DPP10: variants seen among roughly 807,000 people sequenced by gnomAD.
DPP10 encodes the protein dipeptidyl peptidase like 10.
A neutral mutation model predicts 120.9 loss-of-function variants in DPP10; 33 were observed. The ratio of observed to expected loss-of-function variants is 0.27; its 90% CI spans 0.21 to 0.37. DPP10 has a LOEUF of 0.37. DPP10 is among the 10% of genes least tolerant of loss of function. DPP10 has a pLI of 1.00. For synonymous variants in DPP10, 337 were observed against 326.1 expected, an observed-to-expected ratio of 1.03 and a Z score of -0.36; for missense variants, 816 against 942.8, an observed-to-expected ratio of 0.87 and a Z score of 1.76.
intron 1 of DPP10, among the ~76,000 whole-genome samples, chr2:114,654,520 A>C (rs1696830598): frequency 6.6e-6 from 1 of 152,198 alleles, no homozygotes; most frequent in South Asian, 2.1e-4. Flanking sequence ...GCAATCCCCA[A>C]GTGTTCTAGC....
chr2:114,720,092 T>C (rs573557385), intron 1 of DPP10, among the ~76,000 whole-genome samples: 35 of 152,280 alleles, frequency 2.3e-4, no homozygotes, highest in Non-Finnish European at 4.0e-4. Flanking sequence ...AGGTTCAGAC[T>C]TTACACAGAT....
chr2:115,145,163 TAAAA>T (rs2051154568), intron 1 of DPP10: 2 of 151,854 alleles, frequency 1.3e-5, no homozygotes, highest in Non-Finnish European at 2.9e-5. Flanking sequence ...AAAGAAGAAA[TAAAA>T]GAAAGGCAAG....
intron 1 of DPP10, among the ~76,000 whole-genome samples, chr2:114,596,285 A>ACAGCTT (rs985330576): frequency 6.6e-6 from 1 of 150,512 alleles, no homozygotes; most frequent in Non-Finnish European, 1.5e-5. Context: ...CCTCCCTCCT[A>ACAGCTT]CAAGCTGTTC....
At chr2:115,803,015 A>G (rs1685454203) in intron 19 of DPP10, among the ~76,000 whole-genome samples, 1 of 152,060 alleles carries the variant, frequency 6.6e-6, no homozygotes, top group African/African-American at 2.4e-5. Flanking sequence ...TGATCTGTCT[A>G]ATGTTGATAG....
At chr2:114,455,876 G>A (rs906545081) in intron 1 of DPP10, among the ~76,000 whole-genome samples, 2 of 151,974 alleles carry the variant, frequency 1.3e-5, no homozygotes, top group African/African-American at 2.4e-5. Context: ...AAAATTTTAA[G>A]GGCTTAATTT....
In DPP10 at chr2:115,762,739, C is replaced by T. The variant is rs536055890; in HGVS notation, c.1113+129C>T. ...TAGGTTTGACAGAGTGATCCTTTTT[C>T]ATTAAAAGGATCACTTATGACTTGG... On this transcript the variant is annotated intron_variant, in intron 12 of 25. Transcript: ENST00000410059. 8.2e-3 allele frequency: 8,494 copies of T among 1,036,700 alleles called. 71 individuals are homozygous for T. The highest frequency in any genetic ancestry group is 0.01 in the South Asian group (727 of 71,522). 64.2% of individuals were successfully genotyped at this position (1,036,700 alleles called of 1,614,324 possible). A position where few individuals can be genotyped will look rare whatever the true frequency, so the allele number is the denominator to read the frequency against.
At chr2:115,041,606 C>T (rs565431189) in intron 1 of DPP10, among the ~76,000 whole-genome samples, 1 of 152,226 alleles carries the variant, frequency 6.6e-6, no homozygotes, top group South Asian at 2.1e-4. Context: ...TTCATAGTAA[C>T]AGCAATTTTG....
At chr2:115,590,178 A>G (rs1370574944) in intron 5 of DPP10, among the ~76,000 whole-genome samples, 1 of 143,732 alleles carries the variant, frequency 7.0e-6, no homozygotes, top group Non-Finnish European at 1.5e-5. Flanking sequence ...TATTATTATT[A>G]TTATTATACT....
intron 5 of DPP10, among the ~76,000 whole-genome samples, chr2:115,632,365 C>CT (rs567110871): frequency 7.3e-4 from 111 of 152,236 alleles, no homozygotes; most frequent in African/African-American, 2.4e-3. Flanking sequence ...GCTTGCCATT[C>CT]TCTGTCTTTT....
intron 1 of DPP10, among the ~76,000 whole-genome samples, chr2:114,656,753 T>G (rs1326028336): frequency 6.6e-6 from 1 of 152,092 alleles, no homozygotes; most frequent in Non-Finnish European, 1.5e-5. Flanking sequence ...ATGAACAAAT[T>G]AGAAAGTAGA....
At chr2:115,339,012 G>A (rs751682844) in intron 2 of DPP10, among the ~76,000 whole-genome samples, 3 of 152,156 alleles carry the variant, frequency 2.0e-5, no homozygotes, top group Admixed American at 6.5e-5. Context: ...AGGGTGAAAA[G>A]ACAACTTACA....
intron 1 of DPP10, among the ~76,000 whole-genome samples, chr2:115,043,729 T>C (rs1704847259): frequency 1.3e-5 from 2 of 152,174 alleles, no homozygotes; most frequent in Admixed American, 6.5e-5. Flanking sequence ...TTAAAAATTA[T>C]GGAGAAAACG....
chr2:115,111,376 G>A (rs147421505), intron 1 of DPP10, among the ~76,000 whole-genome samples: 399 of 152,134 alleles, frequency 2.6e-3, no homozygotes, highest in Non-Finnish European at 5.1e-3. Flanking sequence ...GGATCAACTT[G>A]GTGGGGGATA....
rs150925589 is a variant in DPP10 at position 114,606,599 on chromosome 2, T to A, written c.60+163761T>A. On this transcript the variant is annotated intron_variant, in intron 1 of 25. Transcript: ENST00000410059. ...AGAGTACAATGAGTGGGAATGACAG[T>A]CTGGAAGGGGAGAAGACAAATGCAA... Among the ~76,000 whole-genome samples, 34 of 152,244 alleles carry A rather than the reference T, an allele frequency of 2.2e-4. No individual in the cohort carries two copies. In the East Asian group the frequency reaches 6.6e-3, roughly 30 times the overall value.
chr2:114,740,224 G>A (rs997963344), intron 1 of DPP10, among the ~76,000 whole-genome samples: 8 of 151,436 alleles, frequency 5.3e-5, no homozygotes, highest in African/African-American at 1.9e-4. Flanking sequence ...GGATGAAATT[G>A]GAAACCATCA....
chr2:114,762,266 C>T (rs895591785), intron 1 of DPP10, among the ~76,000 whole-genome samples: 2 of 152,174 alleles, frequency 1.3e-5, no homozygotes, highest in African/African-American at 4.8e-5. Flanking sequence ...GATGTCTATG[C>T]CTCTTCTACA....
At chr2:115,466,206 A>G (rs754861678) in intron 3 of DPP10, among the ~76,000 whole-genome samples, 12 of 152,162 alleles carry the variant, frequency 7.9e-5, no homozygotes, top group Non-Finnish European at 1.6e-4. Context: ...CTGTCTCCCT[A>G]TCTCCCACCT....
At chr2:114,534,917 G>C (rs562557438) in intron 1 of DPP10, among the ~76,000 whole-genome samples, 7 of 152,184 alleles carry the variant, frequency 4.6e-5, no homozygotes, top group African/African-American at 1.7e-4. Context: ...GCCCCTTGAG[G>C]ATTTGAGGAT....
chr2:115,402,842 GA>G (rs1553584302), intron 3 of DPP10, among the ~76,000 whole-genome samples: 43 of 38,498 alleles, frequency 1.1e-3, no homozygotes, highest in South Asian at 2.9e-3. Flanking sequence ...ACACTACAAG[GA>G]AAAAAAAAAA....
Sources: allele counts gnomAD v4.1 joint callset (sites outside exome capture counted in the v4.1 genomes callset), GRCh38; gene constraint gnomAD v4.1.1; transcripts MANE v1.5; gene names NCBI Gene and HGNC (gene_info 2026-07-23, HGNC 2026-07-21).